Variants in TBC1D32 observed in about 807,000 individuals in gnomAD.
TBC1D32 encodes the protein TBC1 domain family member 32.
In TBC1D32, 151 loss-of-function variants were observed where a neutral mutation model predicts 170.3. The observed-to-expected ratio is 0.89, with a 90% CI of 0.78 to 1.01. The LOEUF (loss-of-function observed/expected upper bound fraction) is 1.01. Ranked by LOEUF, TBC1D32 falls within the 50% of genes least tolerant of loss-of-function variation. TBC1D32 has a pLI of 0.00. For missense variants in TBC1D32, 1,464 were observed against 1,457.1 expected (o/e 1.00, Z -0.08); for synonymous variants, 498 against 488.0 (o/e 1.02, Z -0.27).
intron 3 of TBC1D32, among the ~76,000 whole-genome samples, chr6:121,312,298 C>A (rs1184952823): frequency 1.3e-5 from 2 of 152,164 alleles, no homozygotes; most frequent in Non-Finnish European, 2.9e-5. Flanking sequence ...CACAATGGCA[C>A]ATATATACCT....
Position 121,239,083 on chromosome 6 carries a change from C to A in TBC1D32, c.2351G>T (p.Arg784Leu). 1 of 1,582,998 alleles carries A rather than the reference C, an allele frequency of 6.3e-7. No individual in the cohort carries two copies. The highest frequency in any genetic ancestry group is 8.6e-7 in the Non-Finnish European group (1 of 1,157,448). The change falls in exon 20 of 32, where the codon CGA becomes CTA. Residue 784 changes from arginine (R) to leucine (L), a missense_variant. By Grantham distance (102) the Arg-to-Leu change is moderately radical. Coordinates refer to ENST00000398212, the MANE Select transcript of TBC1D32 (RefSeq NM_152730.6). ...PRTTPVDPID[R>L]SCQKSFLALV... ...ATAACTTCTTACCTTTTGACAGCTT[C>A]GGTCAATAGGATCCACTGGAGTAGT...
chr6:121,255,528 T>TATAATTATATTTTATAATTATATTTATA (rs1583421638), intron 16 of TBC1D32, 118 bp from the exon 17 acceptor site: 43 of 247,696 alleles, frequency 1.7e-4, no homozygotes, highest in African/African-American at 5.7e-4. Context: ...ATTTTATATT[T>TATAATTATATTTTATAATTATATTTATA]CTTACTGATA....
chr6:121,245,971 C>G (rs888123470), intron 17 of TBC1D32, among the ~76,000 whole-genome samples: 1 of 152,130 alleles, frequency 6.6e-6, no homozygotes, highest in African/African-American at 2.4e-5. Flanking sequence ...AGAGCTCCCC[C>G]AGTCACCACC....
chr6:121,217,133 C>T (rs1002850565), intron 21 of TBC1D32, among the ~76,000 whole-genome samples: 9 of 152,188 alleles, frequency 5.9e-5, no homozygotes, highest in African/African-American at 1.7e-4. Flanking sequence ...TTATCCTAAG[C>T]TTAACCAAGT....
chr6:121,175,275 G>A (rs1787611747), intron 22 of TBC1D32, among the ~76,000 whole-genome samples: 1 of 152,146 alleles, frequency 6.6e-6, no homozygotes, highest in Admixed American at 6.5e-5. Flanking sequence ...GATTTGAAAA[G>A]AGAGGTCTAC....
chr6:121,321,238 G>A (rs184093764), intron 2 of TBC1D32, among the ~76,000 whole-genome samples: 308 of 152,280 alleles, frequency 2.0e-3, no homozygotes, highest in Admixed American at 2.8e-3. Context: ...AGCAAGTTAT[G>A]CAAATATTTA....
chr6:121,296,373 T>A (rs1805646899), intron 10 of TBC1D32, among the ~76,000 whole-genome samples: 1 of 152,084 alleles, frequency 6.6e-6, no homozygotes, highest in Non-Finnish European at 1.5e-5. Context: ...CCCCCTCCCA[T>A]ATCTACCTGT....
chr6:121,256,031 A>G, intron 16 of TBC1D32, 53 bp downstream of exon 16: 1 of 1,453,724 alleles, frequency 6.9e-7, no homozygotes, highest in South Asian at 1.2e-5. Flanking sequence ...AATGGTGCTT[A>G]TATTTGAAAT....
chr6:121,178,238 TG>T (rs955514864), intron 22 of TBC1D32, among the ~76,000 whole-genome samples: 2 of 152,068 alleles, frequency 1.3e-5, no homozygotes, highest in Non-Finnish European at 2.9e-5. Context: ...GAGATTTGGG[TG>T]GGGACAGAGA....
Position 121,121,071 on chromosome 6 carries a change from T to A in TBC1D32, c.2983+5307A>T, listed in dbSNP as rs768685808. ...TGTATATATATATAATTAAATCTCA[T>A]ATTGAAGATACAAAGGAGTTTGACA... On this transcript the variant is annotated intron_variant, in intron 26 of 31. Transcript: ENST00000398212. Among the ~76,000 whole-genome samples, 35 of 152,144 alleles carry A rather than the reference T, an allele frequency of 2.3e-4. No homozygotes were observed. The Middle Eastern group carries it at 0.01, about 44-fold the overall frequency.
chr6:121,246,856 T>C (rs1357121528), intron 17 of TBC1D32, among the ~76,000 whole-genome samples: 2 of 151,704 alleles, frequency 1.3e-5, no homozygotes, highest in African/African-American at 4.8e-5. Flanking sequence ...CCAAGAAATA[T>C]GGGATTATGT....
rs779480062 is a variant in TBC1D32, at chr6:121,334,457, A to G, written c.-27T>C. On this transcript the variant is annotated 5_prime_UTR_variant, in exon 1 of 32. It removes an upstream start codon present in the reference 5' UTR. Coordinates refer to ENST00000398212, the MANE Select transcript of TBC1D32 (RefSeq NM_152730.6). ...CTGTTGGAATCAAACGTCCACTCTCATTACTCCAGGTCCGAGCAAAAGCCG... is the reference window on the plus strand; with the variant it reads ...CTGTTGGAATCAAACGTCCACTCTCGTTACTCCAGGTCCGAGCAAAAGCCG... The G allele has an allele frequency of 4.4e-6, 7 of 1,605,010 alleles. No homozygotes were observed. In the South Asian group the frequency reaches 5.6e-5, roughly 13 times the overall value.
intron 3 of TBC1D32, among the ~76,000 whole-genome samples, chr6:121,317,160 T>C (rs967029324): frequency 2.0e-4 from 31 of 152,280 alleles, no homozygotes; most frequent in African/African-American, 7.0e-4. Flanking sequence ...CTCATCTCTA[T>C]TTTAGTTAAA....
At chr6:121,088,779 T>C (rs1173384983) in intron 31 of TBC1D32, among the ~76,000 whole-genome samples, 1 of 152,212 alleles carries the variant, frequency 6.6e-6, no homozygotes, top group East Asian at 1.9e-4. Context: ...AATTAATTCC[T>C]TGCCTACATG....
At chr6:121,112,438 C>A in intron 29 of TBC1D32, 67 bp downstream of exon 29, 1 of 1,349,802 alleles carries the variant, frequency 7.4e-7, no homozygotes, top group Non-Finnish European at 9.9e-7. Flanking sequence ...AAATTATGCC[C>A]CAGTGAATGT....
intron 22 of TBC1D32, among the ~76,000 whole-genome samples, chr6:121,162,365 T>G (rs1266518795): frequency 6.6e-6 from 1 of 152,224 alleles, no homozygotes; most frequent in South Asian, 2.1e-4. Flanking sequence ...CCACCTTGAG[T>G]TGATTTTTGT....
chr6:121,246,588 A>G (rs1797647745), intron 17 of TBC1D32, among the ~76,000 whole-genome samples: 1 of 152,000 alleles, frequency 6.6e-6, no homozygotes, highest in African/African-American at 2.4e-5. Context: ...TAAGCTACTC[A>G]AGGAGATAAC....
Position 121,324,721 on chromosome 6 carries a change from T to C in TBC1D32, c.156-2927A>G, listed in dbSNP as rs145848586. Among the ~76,000 whole-genome samples, 315 of 152,352 alleles carry C rather than the reference T, an allele frequency of 2.1e-3. 1 individual carries two copies. The highest frequency in any genetic ancestry group is 7.3e-3 in the African/African-American group (303 of 41,584). ...ATTTATTCATTATTTCATTTGTGTATGTCTAATTTTAAACCAAATCTTTGC... is the reference window on the plus strand; with the variant it reads ...ATTTATTCATTATTTCATTTGTGTACGTCTAATTTTAAACCAAATCTTTGC... On this transcript the variant is annotated intron_variant, in intron 1 of 31. Coordinates refer to ENST00000398212, the MANE Select transcript of TBC1D32 (RefSeq NM_152730.6).
At chr6:121,267,884 C>A (rs1445200347) in intron 15 of TBC1D32, among the ~76,000 whole-genome samples, 1 of 152,092 alleles carries the variant, frequency 6.6e-6, no homozygotes, top group Non-Finnish European at 1.5e-5. Flanking sequence ...CCTCATATAA[C>A]CGGGTGCCCT....
Sources: allele counts gnomAD v4.1 joint callset (sites outside exome capture counted in the v4.1 genomes callset), GRCh38; gene constraint gnomAD v4.1.1; transcripts MANE v1.5; gene names NCBI Gene and HGNC (gene_info 2026-07-23, HGNC 2026-07-21).